Variants in ILDR2 observed in about 807,000 individuals in gnomAD.
ILDR2 encodes the protein immunoglobulin like domain containing receptor 2.
In ILDR2, 25 loss-of-function variants were observed where a neutral mutation model predicts 66.8. That is an observed-to-expected ratio of 0.37 (90% CI 0.27 to 0.52). The LOEUF is 0.52. Ranked by LOEUF, ILDR2 falls within the 20% of genes least tolerant of loss-of-function variation. ILDR2 has a pLI of 0.88. For missense variants in ILDR2, 827 were observed against 876.8 expected, an observed-to-expected ratio of 0.94 and a Z score of 0.72; for synonymous variants, 367 against 357.2, an observed-to-expected ratio of 1.03 and a Z score of -0.31.
chr1:166,966,963 A>C (rs1055646422), intron 1 of ILDR2, among the ~76,000 whole-genome samples: 4 of 152,212 alleles, frequency 2.6e-5, no homozygotes, highest in Non-Finnish European at 5.9e-5. Context: ...ACTGTCTATC[A>C]GGATGTTATG....
intron 1 of ILDR2, among the ~76,000 whole-genome samples, chr1:166,966,780 AG>A (rs1274695918): frequency 1.7e-4 from 26 of 152,218 alleles, no homozygotes; most frequent in Non-Finnish European, 2.9e-4. Context: ...TGCAATGTGG[AG>A]GTACTTTGAA....
rs562502306 is a variant in ILDR2, at chr1:166,897,221, A to G, written n.172-1120T>C. Reference sequence around the variant, plus strand: ...ATAGACCTACACAGTGTCAGTAGAGATGGAACAGAGGAGCTGTATTTAAAA... The same window carrying G: ...ATAGACCTACACAGTGTCAGTAGAGGTGGAACAGAGGAGCTGTATTTAAAA... On this transcript the variant is annotated intron_variant and non_coding_transcript_variant, in intron 2 of 2. Transcript: ENST00000414590. Among the ~76,000 whole-genome samples, 79 of 152,304 alleles carry G rather than the reference A, an allele frequency of 5.2e-4. 1 individual carries two copies. Among genetic ancestry groups the G allele is most frequent in the Admixed American group, 4.2e-3 (64 of 15,298 alleles).
At chr1:166,896,374 C>A (rs963409815) in intron 2 of ILDR2, among the ~76,000 whole-genome samples, 1 of 152,036 alleles carries the variant, frequency 6.6e-6, no homozygotes, top group Non-Finnish European at 1.5e-5. Context: ...CAGGAGTCAG[C>A]ATGTGAAGGA....
chr1:166,929,601 TAG>T lies in ILDR2; in HGVS notation c.881-2423_881-2422del, dbSNP rs1260428759. ...GTTTCTTTGAGAAGTGCATTTTCAG[TAG>T]AGTTTTCCCCTCTAGACTGCAAACT... On this transcript the variant is annotated intron_variant, in intron 6 of 9. Transcript: ENST00000271417. Among the ~76,000 whole-genome samples the T allele has an allele frequency of 3.9e-5, 6 of 152,316 alleles. No individual in the cohort carries two copies. In the South Asian group the frequency reaches 1.2e-3, roughly 32 times the overall value.
At chr1:166,954,757 C>CT (rs899547258) in intron 3 of ILDR2, among the ~76,000 whole-genome samples, 1 of 152,242 alleles carries the variant, frequency 6.6e-6, no homozygotes, top group Non-Finnish European at 1.5e-5. Flanking sequence ...GCTGCTGGCC[C>CT]TTTTTTTCCT....
At chr1:166,902,550 G>T (rs1659281362) in intron 2 of ILDR2, among the ~76,000 whole-genome samples, 1 of 152,214 alleles carries the variant, frequency 6.6e-6, no homozygotes, top group Non-Finnish European at 1.5e-5. Flanking sequence ...TTAGAGAAAT[G>T]ACTTCTCTCT....
intron 1 of ILDR2, among the ~76,000 whole-genome samples, chr1:166,972,974 TC>T (rs1391955666): frequency 1.3e-5 from 2 of 152,040 alleles, no homozygotes; most frequent in Non-Finnish European, 2.9e-5. Context: ...GTCTCCTCCC[TC>T]CCCTCCCCAG....
chr1:166,908,645 A>T lies in ILDR2; in HGVS notation c.*10710T>A, dbSNP rs1279579402. 1 of 152,312 alleles carries T rather than the reference A, an allele frequency of 6.6e-6. No individual in the cohort carries two copies. Among genetic ancestry groups the T allele is most frequent in the Non-Finnish European group, 1.5e-5 (1 of 68,086 alleles). The allele number at this position is 152,312 out of a possible 1,614,324, so 9.4% of individuals were successfully genotyped here. On this transcript the variant is annotated 3_prime_UTR_variant, in exon 10 of 10. Transcript: ENST00000271417. Reference sequence around the variant, plus strand: ...AGAAGGTGAATAATTAGGAGACAACAGGAAGTAGGAGACAAGAAATGAGGG... The same window carrying T: ...AGAAGGTGAATAATTAGGAGACAACTGGAAGTAGGAGACAAGAAATGAGGG...
chr1:166,907,667 C>T (rs932084554), downstream of ILDR2, among the ~76,000 whole-genome samples: 19 of 151,992 alleles, frequency 1.3e-4, no homozygotes, highest in Admixed American at 5.2e-4. Flanking sequence ...TGTGAGATAT[C>T]GGTTGCTTGG....
rs1202110054 is a variant in ILDR2 at position 166,912,911 on chromosome 1, C to T, written c.*6444G>A. 6.6e-6 allele frequency: 1 copy of T among 152,180 alleles called. No individual in the cohort carries two copies. The highest frequency in any genetic ancestry group is 1.5e-5 in the Non-Finnish European group (1 of 68,046). The allele number at this position is 152,180 out of a possible 1,614,324, so 9.4% of individuals were successfully genotyped here. A position where few individuals can be genotyped will look rare whatever the true frequency, so the allele number is the denominator to read the frequency against. On this transcript the variant is annotated 3_prime_UTR_variant, in exon 10 of 10. Coordinates refer to ENST00000271417, the MANE Select transcript of ILDR2 (RefSeq NM_199351.3). The stretch of plus-strand genomic sequence containing the variant: ...CTCTTGGAAATGAGCTAGGTACCAT[C>T]ACCTTATCCAACCACCTTTCCTACC...
chr1:166,945,001 A>G (rs1248842385), intron 3 of ILDR2, among the ~76,000 whole-genome samples: 1 of 152,206 alleles, frequency 6.6e-6, no homozygotes, highest in Non-Finnish European at 1.5e-5. Flanking sequence ...AGTGTTTCCA[A>G]TAGCAAATCC....
intron 3 of ILDR2, among the ~76,000 whole-genome samples, chr1:166,950,909 G>A (rs1471137382): frequency 6.6e-6 from 1 of 152,122 alleles, no homozygotes; most frequent in Non-Finnish European, 1.5e-5. Context: ...AATCCCAAAT[G>A]AGCGCCTTAC....
Position 166,916,853 on chromosome 1 carries a change from C to T in ILDR2, c.*2502G>A, listed in dbSNP as rs1430641250. 8 of 152,156 alleles carry T rather than the reference C, an allele frequency of 5.3e-5. No homozygotes were observed. Among genetic ancestry groups the T allele is most frequent in the African/African-American group, 1.9e-4 (8 of 41,416 alleles). 9.4% of individuals were successfully genotyped at this position (152,156 alleles called of 1,614,324 possible). Reference sequence around the variant, plus strand: ...AATAATTCTTTCTTTCCCATTGCTACCCTCAACCTTCACCAAAATCATACG... The same window carrying T: ...AATAATTCTTTCTTTCCCATTGCTATCCTCAACCTTCACCAAAATCATACG... On this transcript the variant is annotated 3_prime_UTR_variant, in exon 10 of 10. Coordinates refer to ENST00000271417, the MANE Select transcript of ILDR2 (RefSeq NM_199351.3).
intron 3 of ILDR2, among the ~76,000 whole-genome samples, chr1:166,947,903 T>A (rs932516789): frequency 6.6e-6 from 1 of 152,108 alleles, no homozygotes; most frequent in Non-Finnish European, 1.5e-5. Flanking sequence ...GGCTGGGGGC[T>A]TAGGGAAGGG....
intron 1 of ILDR2, among the ~76,000 whole-genome samples, chr1:166,965,535 C>G (rs1662888444): frequency 1.3e-5 from 2 of 149,406 alleles, no homozygotes; most frequent in Admixed American, 1.3e-4. Context: ...CCAACCTGTA[C>G]AAATCTTTCT....
At chr1:166,898,207 G>A (rs1413089635) in intron 2 of ILDR2, among the ~76,000 whole-genome samples, 1 of 152,198 alleles carries the variant, frequency 6.6e-6, no homozygotes, top group Non-Finnish European at 1.5e-5. Flanking sequence ...TCAGGGTTGA[G>A]ATGTCTAGGA....
At chr1:166,968,941 T>C (rs1052391110) in intron 1 of ILDR2, among the ~76,000 whole-genome samples, 1 of 152,160 alleles carries the variant, frequency 6.6e-6, no homozygotes, top group Non-Finnish European at 1.5e-5. Context: ...TGTAAGCTAT[T>C]GAGATTTGGG....
rs1316819535 is a variant in ILDR2 at position 166,917,788 on chromosome 1, T to C, written c.*1567A>G. On this transcript the variant is annotated 3_prime_UTR_variant, in exon 10 of 10. Coordinates refer to ENST00000271417, the MANE Select transcript of ILDR2 (RefSeq NM_199351.3). ...GTTCTTCTATTGGTATCACCTGGACTCACCCATGTCTGCATCAGCTGGAAG... is the reference window on the plus strand; with the variant it reads ...GTTCTTCTATTGGTATCACCTGGACCCACCCATGTCTGCATCAGCTGGAAG... 1 of 152,236 alleles carries C rather than the reference T, an allele frequency of 6.6e-6. No homozygotes were observed. Among genetic ancestry groups the C allele is most frequent in the Non-Finnish European group, 1.5e-5 (1 of 68,048 alleles). 9.4% of individuals were successfully genotyped at this position (152,236 alleles called of 1,614,324 possible).
chr1:166,965,739 A>ATTTT (rs77159878), intron 1 of ILDR2, among the ~76,000 whole-genome samples: 1 of 144,924 alleles, frequency 6.9e-6, no homozygotes, highest in African/African-American at 2.5e-5. Context: ...TGCCCAGCTA[A>ATTTT]TTTTTTTTTT....
Sources: gnomAD v4.1 joint callset for allele counts (sites outside exome capture counted in the v4.1 genomes callset) on GRCh38, gnomAD v4.1.1 for gene constraint, MANE v1.5 for transcripts, NCBI Gene and HGNC (gene_info 2026-07-23, HGNC 2026-07-21) for gene names.